The following SCRG1 variants were observed in gnomAD, a reference collection of about 807,000 sequenced individuals.
SCRG1 encodes the protein scrapie-responsive protein 1.
In SCRG1, 3 loss-of-function variants were observed where a neutral mutation model predicts 7.7. The ratio of observed to expected loss-of-function variants is 0.39; its 90% confidence interval spans 0.18 to 1.01. The LOEUF (loss-of-function observed/expected upper bound fraction) is 1.01. Among genes scored for constraint, SCRG1 ranks in the 50% least tolerant of loss-of-function variants. SCRG1 has a pLI of 0.36. For missense variants in SCRG1, 110 were observed against 117.2 expected, an observed-to-expected ratio of 0.94 and a Z score of 0.28; for synonymous variants, 46 against 41.2, an observed-to-expected ratio of 1.12 and a Z score of -0.44.
the SCRG1 span, among the ~76,000 whole-genome samples, chr4:173,416,783 C>G: frequency 6.6e-6 from 1 of 152,090 alleles, no homozygotes; most frequent in Admixed American, 6.6e-5. Flanking sequence ...AAGCCATTTC[C>G]TCAGAGTGAT....
chr4:173,429,338 G>A, the SCRG1 span, among the ~76,000 whole-genome samples: 1 of 152,054 alleles, frequency 6.6e-6, no homozygotes, highest in African/African-American at 2.4e-5. Context: ...AGGTTGGAGT[G>A]CAGTGGTGCC....
At chr4:173,408,817 C>A (rs1739974485), upstream of SCRG1, among the ~76,000 whole-genome samples, 1 of 151,748 alleles carries the variant, frequency 6.6e-6, no homozygotes, top group Non-Finnish European at 1.5e-5. Context: ...CACGGTGAAA[C>A]CCCGTCTCTA....
the SCRG1 span, among the ~76,000 whole-genome samples, chr4:173,452,083 A>G: frequency 6.6e-6 from 1 of 152,028 alleles, no homozygotes; most frequent in African/African-American, 2.4e-5. Flanking sequence ...GATTGTCACC[A>G]TCTTCATGAC....
chr4:173,455,043 C>T, the SCRG1 span, among the ~76,000 whole-genome samples: 7 of 152,078 alleles, frequency 4.6e-5, no homozygotes, highest in African/African-American at 1.7e-4. Flanking sequence ...AAGTCTCACA[C>T]CTGCCTCTCC....
chr4:173,443,165 A>G, the SCRG1 span, among the ~76,000 whole-genome samples: 2 of 152,150 alleles, frequency 1.3e-5, no homozygotes. Context: ...TTTACCTTCT[A>G]CCATGAATGC....
chr4:173,411,434 C>T, the SCRG1 span, among the ~76,000 whole-genome samples: 6 of 152,138 alleles, frequency 3.9e-5, no homozygotes, highest in Non-Finnish European at 7.3e-5. Context: ...CCTATCTTTT[C>T]CCAGGTTGGA....
At chr4:173,453,875 G>C in the SCRG1 span, among the ~76,000 whole-genome samples, 49 of 152,140 alleles carry the variant, frequency 3.2e-4, no homozygotes, top group African/African-American at 1.2e-3. Context: ...TCAGGAGTTC[G>C]AGACCAGCCT....
intron 1 of SCRG1, among the ~76,000 whole-genome samples, chr4:173,394,380 C>T (rs1011780779): frequency 3.3e-5 from 5 of 152,106 alleles, no homozygotes; most frequent in Non-Finnish European, 7.3e-5. Flanking sequence ...CGCAGTGGCT[C>T]ACACCTGTAA....
At chr4:173,389,964 C>A in intron 2 of SCRG1, 1 of 242,278 alleles carries the variant, frequency 4.1e-6, no homozygotes, top group Non-Finnish European at 9.2e-6. Context: ...AAAGATTCCT[C>A]AATAACCAGG....
Position 173,391,843 on chromosome 4 carries a change from T to C in SCRG1, c.-14-415A>G, listed in dbSNP as rs866702988. Among the ~76,000 whole-genome samples, 6 of 152,230 alleles carry C rather than the reference T, an allele frequency of 3.9e-5. 1 individual carries two copies. The Middle Eastern group carries it at 0.01, about 259-fold the overall frequency. On this transcript the variant is annotated intron_variant, in intron 1 of 2. Coordinates refer to ENST00000296506, the MANE Select transcript of SCRG1 (RefSeq NM_007281.4). ...CTCAGGACCACTTGAGCCCAGGAGT[T>C]TGAGGCTGCAGTGAACCATGATTGT...
At chr4:173,406,342 TTC>T (rs1230096723) in exon 1 of SCRG1, 2 of 152,220 alleles carry the variant, frequency 1.3e-5, no homozygotes, top group African/African-American at 4.8e-5. Context: ...CTCTACTCAT[TTC>T]CAAAGTTACA....
chr4:173,508,486 T>C, the SCRG1 span, among the ~76,000 whole-genome samples: 40 of 152,126 alleles, frequency 2.6e-4, no homozygotes, highest in East Asian at 5.6e-3. The surrounding 1 kb of genome is among the most constrained non-coding windows in gnomAD (Gnocchi z 4.4). Context: ...GGGTTTGAAC[T>C]TTTCCACCTT....
At chr4:173,461,326 T>G in the SCRG1 span, among the ~76,000 whole-genome samples, 1 of 152,226 alleles carries the variant, frequency 6.6e-6, no homozygotes, top group African/African-American at 2.4e-5. Flanking sequence ...ACAGGGGTAC[T>G]CGTGTTACTC....
At chr4:173,430,508 G>T in the SCRG1 span, among the ~76,000 whole-genome samples, 3 of 152,110 alleles carry the variant, frequency 2.0e-5, no homozygotes, top group African/African-American at 7.2e-5. Context: ...TACAGGAAAG[G>T]CAGGGCATGC....
chr4:173,428,983 T>C, the SCRG1 span, among the ~76,000 whole-genome samples: 1 of 152,228 alleles, frequency 6.6e-6, no homozygotes, highest in Non-Finnish European at 1.5e-5. Flanking sequence ...TATAGTATAC[T>C]TTTAAAAAAT....
the SCRG1 span, among the ~76,000 whole-genome samples, chr4:173,422,933 C>G: frequency 1.6e-4 from 24 of 152,086 alleles, no homozygotes; most frequent in Admixed American, 1.6e-3. Flanking sequence ...TTCACATTTT[C>G]TCTGTAGAGT....
the SCRG1 span, among the ~76,000 whole-genome samples, chr4:173,517,443 G>T: frequency 2.0e-5 from 3 of 152,020 alleles, no homozygotes; most frequent in Admixed American, 2.0e-4. Context: ...GTTTTTTACC[G>T]ATAACCAAAG....
At chr4:173,462,640 A>T in the SCRG1 span, among the ~76,000 whole-genome samples, 1 of 152,214 alleles carries the variant, frequency 6.6e-6, no homozygotes, top group Non-Finnish European at 1.5e-5. Flanking sequence ...TGGTAATAGT[A>T]AACAGAAAAA....
intron 1 of SCRG1, among the ~76,000 whole-genome samples, chr4:173,393,128 C>T (rs1262522075): frequency 2.0e-5 from 3 of 151,406 alleles, no homozygotes; most frequent in African/African-American, 7.3e-5. Flanking sequence ...GTGCAATGGA[C>T]ATTTTTGGTA....
Sources: allele counts gnomAD v4.1 joint callset (sites outside exome capture counted in the v4.1 genomes callset), GRCh38; gene constraint gnomAD v4.1.1; non-coding constraint Gnocchi (gnomAD v3.1); transcripts MANE v1.5; gene names NCBI Gene and HGNC (gene_info 2026-07-23, HGNC 2026-07-21).